CACNA1A: variants seen among roughly 807,000 people sequenced by gnomAD.
CACNA1A encodes calcium voltage-gated channel subunit alpha1 A, also known as voltage-dependent P/Q-type calcium channel subunit alpha-1A.
A neutral mutation model predicts 262.4 loss-of-function variants in CACNA1A; 57 were observed. The ratio of observed to expected loss-of-function variants is 0.22; its 90% CI spans 0.18 to 0.27. CACNA1A has a LOEUF of 0.27. CACNA1A is among the 10% of genes least tolerant of loss of function. The probability of loss-of-function intolerance (pLI) is 1.00; values close to 1 mark genes in which losing one functional copy is unlikely to be tolerated. For missense variants in CACNA1A, 2,526 were observed against 3,562.8 expected, an observed-to-expected ratio of 0.71 and a Z score of 7.41; for synonymous variants, 1,431 against 1,419.3, an observed-to-expected ratio of 1.01 and a Z score of -0.18.
At chr19:13,336,806 T>C (rs770610578) in intron 6 of CACNA1A, among the ~76,000 whole-genome samples, 1 of 152,170 alleles carries the variant, frequency 6.6e-6, no homozygotes, top group Non-Finnish European at 1.5e-5. Flanking sequence ...GACAAAATCA[T>C]CAGCCCAAGA....
chr19:13,354,607 C>G (rs1378762036), intron 6 of CACNA1A, among the ~76,000 whole-genome samples: 1 of 152,190 alleles, frequency 6.6e-6, no homozygotes, highest in Admixed American at 6.5e-5. Context: ...AAGCCCCAGA[C>G]AAGAGTTCAC....
At chr19:13,224,364 G>A (rs2055352603) in intron 38 of CACNA1A, among the ~76,000 whole-genome samples, 1 of 151,198 alleles carries the variant, frequency 6.6e-6, no homozygotes, top group African/African-American at 2.4e-5. Context: ...GTGTGTGCCT[G>A]TAGTCCCAGC....
At chr19:13,346,486 C>T (rs953223651) in intron 6 of CACNA1A, among the ~76,000 whole-genome samples, 5 of 151,226 alleles carry the variant, frequency 3.3e-5, no homozygotes, top group South Asian at 4.2e-4. Flanking sequence ...CAAGTGTGAG[C>T]CATCACACCC....
At chr19:13,457,484 A>G (rs1003797274) in intron 1 of CACNA1A, among the ~76,000 whole-genome samples, 1 of 152,210 alleles carries the variant, frequency 6.6e-6, no homozygotes, top group African/African-American at 2.4e-5. Flanking sequence ...AAACAACCTA[A>G]ATTTCACCAG....
intron 3 of CACNA1A, among the ~76,000 whole-genome samples, chr19:13,447,067 G>C (rs2060829672): frequency 6.6e-6 from 1 of 152,148 alleles, no homozygotes; most frequent in East Asian, 1.9e-4. Flanking sequence ...AGAAAAGCAA[G>C]TGAAAGAAAT....
rs1276307305 is a variant in CACNA1A, at chr19:13,241,928, C to T, written c.4950+3254G>A. On this transcript the variant is annotated intron_variant, in intron 31 of 46. Coordinates refer to ENST00000360228, the MANE Select transcript of CACNA1A (RefSeq NM_001127222.2). This position sits in a 1 kb window ranked among gnomAD's most constrained non-coding sequence, Gnocchi z 4.0. ...GCACTGGTTAGTACTGCCGCATGCC[C>T]TCTGCCCCCTAAACCCCAGGGACCT... Among the ~76,000 whole-genome samples, 1 of 152,168 alleles carries T rather than the reference C, an allele frequency of 6.6e-6. No individual in the cohort carries two copies. Among genetic ancestry groups the T allele is most frequent in the Non-Finnish European group, 1.5e-5 (1 of 68,032 alleles).
chr19:13,281,270 T>C (rs1237424166), intron 22 of CACNA1A, among the ~76,000 whole-genome samples: 1 of 149,148 alleles, frequency 6.7e-6, no homozygotes, highest in Non-Finnish European at 1.5e-5. Context: ...CCTAGCTACC[T>C]GGGGGGCTGA....
chr19:13,439,354 G>A (rs1234850939), intron 3 of CACNA1A, among the ~76,000 whole-genome samples: 1 of 148,268 alleles, frequency 6.7e-6, no homozygotes, highest in Non-Finnish European at 1.5e-5. Context: ...GTGATTCGTT[G>A]CCCTCAAATC....
In CACNA1A at chr19:13,424,195, AAAAC is replaced by A. The variant is rs145193904; in HGVS notation, c.539+28677_539+28680del. Among the ~76,000 whole-genome samples, 749 of 152,246 alleles carry A rather than the reference AAAAC, an allele frequency of 4.9e-3. 5 individuals are homozygous for A. The highest frequency in any genetic ancestry group is 8.3e-3 in the Non-Finnish European group (562 of 68,020). On this transcript the variant is annotated intron_variant, in intron 3 of 46. Coordinates refer to ENST00000360228, the MANE Select transcript of CACNA1A (RefSeq NM_001127222.2). Reference sequence around the variant, plus strand: ...GAAACCCCATCTCTACTAAAAATACAAAACAAACAAACAAACAAAACAAAACAGC... The same window carrying A: ...GAAACCCCATCTCTACTAAAAATACAAAACAAACAAACAAAACAAAACAGC...
intron 12 of CACNA1A, among the ~76,000 whole-genome samples, chr19:13,309,113 A>G (rs1004922941): frequency 1.3e-5 from 2 of 152,070 alleles, no homozygotes; most frequent in African/African-American, 4.8e-5. Context: ...GGTTCAAGCG[A>G]TTCTCCTGCC....
In CACNA1A at chr19:13,257,371, T is replaced by C; in HGVS notation, c.4569A>G (p.Glu1523=). ...GCACCTCATTTTTCTCCAGGCTGTATTCCTCCATCATCTTGTCCCCTTGCT... is the reference window on the plus strand; with the variant it reads ...GCACCTCATTTTTCTCCAGGCTGTACTCCTCCATCATCTTGTCCCCTTGCT... ...FQEQGDKMME[E]YSLEKNERAC... is the part of the protein sequence containing the mutation. Residue 1523 remains glutamate (E), a synonymous_variant, in exon 28 of 47, where the codon GAA becomes GAG. Coordinates refer to ENST00000360228, the MANE Select transcript of CACNA1A (RefSeq NM_001127222.2). 2 of 1,613,900 alleles carry C rather than the reference T, an allele frequency of 1.2e-6. No individual in the cohort carries two copies. The highest frequency in any genetic ancestry group is 1.3e-5 in the African/African-American group (1 of 75,038).
chr19:13,504,502 CT>C (rs1272630369), intron 1 of CACNA1A, among the ~76,000 whole-genome samples: 1 of 152,134 alleles, frequency 6.6e-6, no homozygotes, highest in Non-Finnish European at 1.5e-5. Context: ...TTGAACCCCC[CT>C]GAAGTGAGTC....
chr19:13,413,093 GTTTT>G (rs1568620411), intron 3 of CACNA1A, among the ~76,000 whole-genome samples: 1 of 139,366 alleles, frequency 7.2e-6, no homozygotes, highest in African/African-American at 2.5e-5. Context: ...TCTACAAAAA[GTTTT>G]TTGTTTTTTT....
At chr19:13,335,565 T>C (rs540604044) in intron 7 of CACNA1A, among the ~76,000 whole-genome samples, 10 of 152,210 alleles carry the variant, frequency 6.6e-5, no homozygotes, top group South Asian at 2.1e-4. Context: ...ACCCAAACTA[T>C]TGGTTTTTAA....
chr19:13,253,316 C>CTT (rs34069029), intron 29 of CACNA1A, among the ~76,000 whole-genome samples: 3 of 134,832 alleles, frequency 2.2e-5, no homozygotes, highest in South Asian at 2.4e-4. Context: ...CTCCCCCAAC[C>CTT]TTTTTTTTTT....
At chr19:13,437,079 G>A (rs117214571) in intron 3 of CACNA1A, among the ~76,000 whole-genome samples, 6,676 of 152,268 alleles carry the variant, frequency 0.044, 279 homozygotes, top group Admixed American at 0.093. Context: ...CTCAGACACA[G>A]GCACACAGCA....
intron 24 of CACNA1A, among the ~76,000 whole-genome samples, chr19:13,268,456 C>T (rs1356601154): frequency 2.8e-5 from 4 of 144,060 alleles, no homozygotes; most frequent in Admixed American, 1.4e-4. Flanking sequence ...TTTTTTGAAA[C>T]GGAGTCTCGC....
intron 25 of CACNA1A, 110 bp from the exon 26 acceptor site, chr19:13,261,720 G>T (rs2056738362): frequency 2.7e-6 from 3 of 1,104,308 alleles, no homozygotes; most frequent in Non-Finnish European, 4.0e-6. Context: ...CATTTTACAG[G>T]CAAGGTCATA....
At chr19:13,405,453 G>A (rs775329092) in intron 3 of CACNA1A, among the ~76,000 whole-genome samples, 1 of 152,118 alleles carries the variant, frequency 6.6e-6, no homozygotes, top group South Asian at 2.1e-4. Context: ...CAATCAGCCT[G>A]CTTCTGCCTC....
Sources: allele counts gnomAD v4.1 joint callset (sites outside exome capture counted in the v4.1 genomes callset), GRCh38; gene constraint gnomAD v4.1.1; non-coding constraint Gnocchi (gnomAD v3.1); transcripts MANE v1.5; gene names NCBI Gene and HGNC (gene_info 2026-07-23, HGNC 2026-07-21).